The following ALDH6A1 variants were observed in gnomAD, a reference collection of about 807,000 sequenced individuals.
ALDH6A1 encodes aldehyde dehydrogenase 6 family member A1, also known as methylmalonate-semialdehyde/malonate-semialdehyde dehydrogenase [acylating], mitochondrial.
Under a neutral mutation model 62.6 loss-of-function variants are expected in ALDH6A1, and 43 were observed. That is an observed-to-expected ratio of 0.69 (90% confidence interval 0.54 to 0.89). The LOEUF (loss-of-function observed/expected upper bound fraction) is 0.89. ALDH6A1 is among the 40% of genes least tolerant of loss of function. The probability of loss-of-function intolerance (pLI) is 0.00; values close to 1 mark genes in which losing one functional copy is unlikely to be tolerated. For synonymous variants in ALDH6A1, 194 were observed against 234.2 expected, an observed-to-expected ratio of 0.83 and a Z score of 1.57; for missense variants, 551 against 661.3, an observed-to-expected ratio of 0.83 and a Z score of 1.83.
rs901168709 is a variant in ALDH6A1 at position 74,057,979 on chromosome 14, T to G, written c.*2663A>C. On this transcript the variant is annotated 3_prime_UTR_variant, in exon 12 of 12. Transcript: ENST00000553458. Reference sequence around the variant, plus strand: ...ACTACATTTAATTCCACTTGGAATATAGACAATAATGACCTTTTATTTAAC... The same window carrying G: ...ACTACATTTAATTCCACTTGGAATAGAGACAATAATGACCTTTTATTTAAC... The G allele has an allele frequency of 2.4e-6, 2 of 839,390 alleles. No individual in the cohort carries two copies. Among genetic ancestry groups the G allele is most frequent in the South Asian group, 5.2e-5 (1 of 19,216 alleles). The allele number at this position is 839,390 out of a possible 1,614,324, so 52.0% of individuals were successfully genotyped here.
chr14:74,070,012 A>T (rs2060527341), intron 6 of ALDH6A1, among the ~76,000 whole-genome samples: 1 of 150,912 alleles, frequency 6.6e-6, no homozygotes, highest in African/African-American at 2.4e-5. Flanking sequence ...TAATTTTTGT[A>T]TTTTTTTTGT....
Position 74,072,276 on chromosome 14 carries a change from G to T in ALDH6A1, c.275C>A (p.Ala92Glu). 6.2e-7 allele frequency: 1 copy of T among 1,614,250 alleles called. No homozygotes were observed. Among genetic ancestry groups the T allele is most frequent in the Non-Finnish European group, 8.5e-7 (1 of 1,180,050 alleles). Residue 92 changes from alanine to glutamate, a missense_variant, in exon 4 of 12, where the codon GCA becomes GAA. Ala to Glu is a moderately radical substitution (Grantham distance 107). Coordinates refer to ENST00000553458, the MANE Select transcript of ALDH6A1 (RefSeq NM_005589.4). ...AIASCKRAFP[A>E]WADTSVLSRQ... ...GCTTAATACTGAAGTGTCTGCCCATGCAGGAAAAGCACGTTTGCAGGAAGC... is the reference window on the plus strand; with the variant it reads ...GCTTAATACTGAAGTGTCTGCCCATTCAGGAAAAGCACGTTTGCAGGAAGC...
At chr14:74,073,143 G>C (rs146747834) in intron 2 of ALDH6A1, among the ~76,000 whole-genome samples, 1,785 of 151,764 alleles carry the variant, frequency 0.012, 39 homozygotes, top group Admixed American at 0.06. Context: ...GTCTCACTCT[G>C]TTGCCCAGGC....
At chr14:74,078,309 C>G in intron 1 of ALDH6A1, 1 of 454,882 alleles carries the variant, frequency 2.2e-6, no homozygotes. Context: ...GAAAAGTGAC[C>G]GAGACAGTGG....
intron 1 of ALDH6A1, 144 bp downstream of exon 1, chr14:74,084,203 G>T: frequency 8.0e-7 from 1 of 1,251,274 alleles, no homozygotes; most frequent in Non-Finnish European, 1.1e-6. Flanking sequence ...GCTGGGCATG[G>T]GACAGGGCCG....
intron 2 of ALDH6A1, among the ~76,000 whole-genome samples, chr14:74,073,117 A>AT (rs898457901): frequency 1.3e-5 from 2 of 150,304 alleles, no homozygotes; most frequent in Admixed American, 6.6e-5. Flanking sequence ...TTTATTTTTT[A>AT]TTTTTTTGAG....
Position 74,071,474 on chromosome 14 carries a change from C to T in ALDH6A1, c.451G>A (p.Val151Met), listed in dbSNP as rs767706541. 2 of 1,614,068 alleles carry T rather than the reference C, an allele frequency of 1.2e-6. No individual in the cohort carries two copies. Among genetic ancestry groups the T allele is most frequent in the Non-Finnish European group, 1.7e-6 (2 of 1,180,042 alleles). Reference protein sequence around the residue: ...GLQVVEHACSVTSLMMGETMP... With the variant: ...GLQVVEHACSMTSLMMGETMP... Reference sequence around the variant, plus strand: ...GTCTCTCCCATCATGAGGGATGTCACACTACAGGCATGCTCAACCACCTCT... The same window carrying T: ...GTCTCTCCCATCATGAGGGATGTCATACTACAGGCATGCTCAACCACCTCT... The change falls in exon 6 of 12, where the codon GTG becomes ATG. Residue 151 changes from valine (V) to methionine (M), a missense_variant. Transcript: ENST00000553458.
intron 1 of ALDH6A1, among the ~76,000 whole-genome samples, chr14:74,077,910 G>C (rs2060630357): frequency 6.6e-6 from 1 of 152,146 alleles, no homozygotes; most frequent in Non-Finnish European, 1.5e-5. Context: ...TAGAAAAGTA[G>C]TTAGCACAAA....
chr14:74,070,734 G>T, intron 6 of ALDH6A1: 1 of 175,052 alleles, frequency 5.7e-6, no homozygotes, highest in Non-Finnish European at 1.2e-5. Context: ...CTGCAAAATG[G>T]AAAAATAATA....
chr14:74,084,190 A>T (rs543525564), intron 1 of ALDH6A1, among the ~76,000 whole-genome samples, 157 bp downstream of exon 1: 1 of 152,212 alleles, frequency 6.6e-6, no homozygotes, highest in Non-Finnish European at 1.5e-5. Context: ...TTATGAAGTG[A>T]GGGCTGGGCA....
At chr14:74,075,131 A>G in intron 1 of ALDH6A1, 114 bp from the exon 2 acceptor site, 1 of 892,586 alleles carries the variant, frequency 1.1e-6, no homozygotes, top group Non-Finnish European at 1.8e-6. Context: ...TGTTTCTCTC[A>G]AAGGCCATAC....
chr14:74,066,412 GCT>G (rs1194262011), intron 9 of ALDH6A1, among the ~76,000 whole-genome samples: 3 of 152,062 alleles, frequency 2.0e-5, no homozygotes, highest in Admixed American at 6.6e-5. Context: ...AATGTTTATA[GCT>G]GATCTCACAC....
At chr14:74,066,372 A>C (rs927140311) in intron 9 of ALDH6A1, among the ~76,000 whole-genome samples, 1 of 152,232 alleles carries the variant, frequency 6.6e-6, no homozygotes, top group African/African-American at 2.4e-5. Context: ...AGTGTCCATA[A>C]ATAACATTTT....
Position 74,065,249 on chromosome 14 carries a change from C to T in ALDH6A1, c.1336G>A (p.Gly446Arg), listed in dbSNP as rs72552258. The T allele has an allele frequency of 6.2e-7, 1 of 1,614,088 alleles. No homozygotes were observed. Among genetic ancestry groups the T allele is most frequent in the Non-Finnish European group, 8.5e-7 (1 of 1,180,008 alleles). ...CCATTGGTGGTGAAGATGGCAGTTCCATTTCCATATGGGTTGTTATTTACA... is the reference window on the plus strand; with the variant it reads ...CCATTGGTGGTGAAGATGGCAGTTCTATTTCCATATGGGTTGTTATTTACA... Reference protein sequence around the residue: ...QIVNNNPYGNGTAIFTTNGAT... With the variant: ...QIVNNNPYGNRTAIFTTNGAT... Residue 446 changes from glycine to arginine, a missense_variant, in exon 10 of 12, where the codon GGA (glycine) becomes AGA (arginine). Physicochemically the swap from Gly to Arg is moderately radical, Grantham distance 125. Coordinates refer to ENST00000553458, the MANE Select transcript of ALDH6A1 (RefSeq NM_005589.4).
chr14:74,060,522 G>A lies in ALDH6A1; in HGVS notation c.*120C>T. 1.2e-6 allele frequency: 1 copy of A among 810,246 alleles called. No homozygotes were observed. The highest frequency in any genetic ancestry group is 1.7e-5 in the African/African-American group (1 of 59,398). The allele number at this position is 810,246 out of a possible 1,614,324, so 50.2% of individuals were successfully genotyped here. A position where few individuals can be genotyped will look rare whatever the true frequency, so the allele number is the denominator to read the frequency against. ...TGCGGGGGTTAATAGTCCTGAGGAA[G>A]ATTTTAGTTACAATGTATTCCAATC... On this transcript the variant is annotated 3_prime_UTR_variant, in exon 12 of 12. Coordinates refer to ENST00000553458, the MANE Select transcript of ALDH6A1 (RefSeq NM_005589.4).
rs184376464 is a variant in ALDH6A1 at position 74,057,613 on chromosome 14, A to G, written c.*3029T>C. On this transcript the variant is annotated 3_prime_UTR_variant, in exon 12 of 12. Coordinates refer to ENST00000553458, the MANE Select transcript of ALDH6A1 (RefSeq NM_005589.4). ...TGGGAAGTCAGAGTCATTACAACCT[A>G]GAGGACAAAGGCTTATAAGGAGATA... is the stretch of plus-strand genomic sequence containing the variant. 215 of 1,338,636 alleles carry G rather than the reference A, an allele frequency of 1.6e-4. 1 individual carries two copies. In the East Asian group the frequency reaches 6.9e-3, roughly 43 times the overall value. The allele number at this position is 1,338,636 out of a possible 1,614,324, so 82.9% of individuals were successfully genotyped here.
rs150460748 is a variant in ALDH6A1 at position 74,079,967 on chromosome 14, G to A, written c.48+4380C>T. ...GCAGGAGGATCACCTAAGCCTTGGA[G>A]ATTGAGGCTACAGTGAGCTGCGATT... On this transcript the variant is annotated intron_variant, in intron 1 of 11. Transcript: ENST00000553458. Among the ~76,000 whole-genome samples, 22 of 152,276 alleles carry A rather than the reference G, an allele frequency of 1.4e-4. No homozygotes were observed. In the East Asian group the frequency reaches 4.2e-3, roughly 29 times the overall value.
At position 74,074,957 on chromosome 14, in the gene ALDH6A1, C is replaced by A; in HGVS notation, c.109G>T (p.Val37Leu). 1 of 1,614,014 alleles carries A rather than the reference C, an allele frequency of 6.2e-7. No individual in the cohort carries two copies. Among genetic ancestry groups the A allele is most frequent in the Non-Finnish European group, 8.5e-7 (1 of 1,179,938 alleles). Reference protein sequence around the residue: ...WYSASSFSSSVPTVKLFIGGK... With the variant: ...WYSASSFSSSLPTVKLFIGGK... ...ACCTCTATGCCAAATAAACTCACCA[C>A]TGAAGAAGAGAAGGAAGATGCTGAA... Residue 37 changes from valine (V) to leucine (L), a missense_variant and splice_region_variant, in exon 2 of 12, where the codon GTG (valine) becomes TTG (leucine). Coordinates refer to ENST00000553458, the MANE Select transcript of ALDH6A1 (RefSeq NM_005589.4).
chr14:74,069,064 G>T, intron 6 of ALDH6A1, 83 bp from the exon 7 acceptor site: 1 of 1,344,976 alleles, frequency 7.4e-7, no homozygotes, highest in Non-Finnish European at 1.0e-6. Flanking sequence ...CCACTGCTAT[G>T]GATTTGAAGT....
Sources: gnomAD v4.1 joint callset for allele counts (sites outside exome capture counted in the v4.1 genomes callset) on GRCh38, gnomAD v4.1.1 for gene constraint, MANE v1.5 for transcripts, NCBI Gene and HGNC (gene_info 2026-07-23, HGNC 2026-07-21) for gene names.